The following KIF7 variants were observed in gnomAD, a reference collection of about 807,000 sequenced individuals.
KIF7 encodes the protein kinesin family member 7.
KIF7 carries 104 observed loss-of-function variants against 135.7 expected under a neutral mutation model. That is an observed-to-expected ratio of 0.77 (90% confidence interval 0.65 to 0.90). KIF7 has a LOEUF of 0.90. Among genes scored for constraint, KIF7 ranks in the 40% least tolerant of loss-of-function variants. The pLI is 0.00. For synonymous variants in KIF7, 883 were observed against 809.4 expected (o/e 1.09, Z -1.54); for missense variants, 2,005 against 1,839.1 (o/e 1.09, Z -1.65).
At position 89,645,051 on chromosome 15, in the gene KIF7, C is replaced by A. The variant is rs138021610; in HGVS notation, c.2153G>T (p.Arg718Leu). The A allele has an allele frequency of 4.4e-6, 7 of 1,607,318 alleles. No homozygotes were observed. The highest frequency in any genetic ancestry group is 1.7e-4 in the Middle Eastern group (1 of 5,992). The change falls in exon 10 of 19, where the codon CGC (arginine) becomes CTC (leucine). Residue 718 changes from arginine to leucine, a missense_variant. By Grantham distance (102) the Arg-to-Leu change is moderately radical (BLOSUM62 -2). Coordinates refer to ENST00000394412, the MANE Select transcript of KIF7 (RefSeq NM_198525.3). The stretch of plus-strand genomic sequence containing the variant: ...CTCGCCAATAAGCTCCTCCTTCATG[C>A]GGATGTTGATAGCCAGCTCCCGGAT... ...QKIRELAINIRMKEELIGELV... is the reference protein window; with the variant it reads ...QKIRELAINILMKEELIGELV...
intron 2 of KIF7, 92 bp downstream of exon 2, chr15:89,652,511 C>T (rs1469113215): frequency 2.9e-6 from 3 of 1,022,504 alleles, no homozygotes; most frequent in African/African-American, 1.6e-5. Context: ...CCCCACCTTC[C>T]ACAGAACAGG....
chr15:89,630,708 C>A (rs982822912), intron 15 of KIF7: 1 of 609,100 alleles, frequency 1.6e-6, no homozygotes, highest in African/African-American at 1.8e-5. Context: ...GTGGCCTGCT[C>A]AACTGCAAGC....
At chr15:89,647,121 C>G in intron 6 of KIF7, 64 bp from the exon 7 acceptor site, 1 of 1,424,412 alleles carries the variant, frequency 7.0e-7, no homozygotes, top group Non-Finnish European at 9.6e-7. Context: ...GTGTAGGAAA[C>G]TGAGGAACAG....
intron 2 of KIF7, among the ~76,000 whole-genome samples, chr15:89,651,721 T>A (rs1490529087): frequency 2.0e-5 from 3 of 152,270 alleles, no homozygotes; most frequent in Non-Finnish European, 2.9e-5. Context: ...TTCCTAATTT[T>A]TTTTACACAA....
In KIF7 at chr15:89,628,980, G is replaced by A. The variant is rs775037403; in HGVS notation, c.3660C>T (p.Ser1220=). 3 of 1,613,718 alleles carry A rather than the reference G, an allele frequency of 1.9e-6. No individual in the cohort carries two copies. Among genetic ancestry groups the A allele is most frequent in the Non-Finnish European group, 2.5e-6 (3 of 1,180,000 alleles). The change falls in exon 18 of 19, where the codon AGC becomes AGT. Residue 1220 remains serine (S), a synonymous_variant. Coordinates refer to ENST00000394412, the MANE Select transcript of KIF7 (RefSeq NM_198525.3). The part of the protein sequence containing the change: ...KLGGVNAVGH[S]RGGEKRSLCS... ...CAGAGCGCGACGAGGAGTTACCCCT[G>A]CTGTGGCCTACAGCGTTCACACCGC...
In KIF7 at chr15:89,628,902, C is replaced by A. The variant is rs12914042; in HGVS notation, c.3664+74G>T. 7 of 1,611,706 alleles carry A rather than the reference C, an allele frequency of 4.3e-6. No individual in the cohort carries two copies. The East Asian group carries it at 1.3e-4, about 31-fold the overall frequency. ...CCTGTGAATTGAGCCAATAAAGGCT[C>A]GAGGGAGAGTGGTCTCTAAGCTTTC... On this transcript the variant is annotated intron_variant, in intron 18 of 18. Coordinates refer to ENST00000394412, the MANE Select transcript of KIF7 (RefSeq NM_198525.3).
At chr15:89,654,150 C>CAT in intron 1 of KIF7, among the ~76,000 whole-genome samples, 1 of 152,222 alleles carries the variant, frequency 6.6e-6, no homozygotes, top group East Asian at 1.9e-4. Context: ...GCTGGGACTA[C>CAT]AGGCGCCCGC....
chr15:89,648,216 A>G (rs752245836), intron 5 of KIF7, 39 bp downstream of exon 5: 20 of 1,458,062 alleles, frequency 1.4e-5, no homozygotes, highest in Non-Finnish European at 1.7e-5. Context: ...ACCACTCCCC[A>G]CTGCCCACAA....
In KIF7 at chr15:89,631,645, C is replaced by T; in HGVS notation, c.2961G>A (p.Glu987=). The change falls in exon 15 of 19, where the codon GAG becomes GAA. Residue 987 remains glutamate (E), a synonymous_variant. Transcript: ENST00000394412. ...TGCCCTGCCGCAGCTGCCCGCTCTT[C>T]TCGGACAGCTCCTTCTCCAGGTGCT... The part of the protein sequence containing the change: ...RLEHLEKELS[E]KSGQLRQGSA... 1.3e-6 allele frequency: 2 copies of T among 1,562,380 alleles called. No individual in the cohort carries two copies. The highest frequency in any genetic ancestry group is 2.4e-5 in the East Asian group (1 of 41,624).
At position 89,645,398 on chromosome 15, in the gene KIF7, G is replaced by C; in HGVS notation, c.1976C>G (p.Pro659Arg). Residue 659 changes from proline to arginine, a missense_variant, in exon 9 of 19, where the codon CCA becomes CGA. By Grantham distance (103) the Pro-to-Arg change is moderately radical. Transcript: ENST00000394412. ...GCAAAGCTCTGGGCCCTTCCTCTCT[G>C]GCAGACTCCCTGGGCGTGCCCCCGC... ...QRAGARPGSL[P>R]ERKGPELCLE... The C allele has an allele frequency of 1.2e-6, 2 of 1,614,102 alleles. No homozygotes were observed. Among genetic ancestry groups the C allele is most frequent in the Middle Eastern group, 3.3e-4 (2 of 6,062 alleles).
chr15:89,625,495 A>G (rs1370186071), downstream of KIF7: 2 of 1,613,938 alleles, frequency 1.2e-6, no homozygotes, highest in African/African-American at 1.3e-5. Context: ...TGAACTCAGC[A>G]TCCACAGGAC....
chr15:89,641,266 G>A (rs183210334), intron 11 of KIF7, among the ~76,000 whole-genome samples: 1 of 152,170 alleles, frequency 6.6e-6, no homozygotes, highest in East Asian at 1.9e-4. Context: ...CCAGGAAGTG[G>A]CCGTCTGCAC....
At chr15:89,619,910 A>T in intron 1 of KIF7, 1 of 1,532,700 alleles carries the variant, frequency 6.5e-7, no homozygotes, top group South Asian at 1.3e-5. Context: ...TTGGGAAAAG[A>T]AGCAAGAAAT....
chr15:89,629,357 A>G lies in KIF7; in HGVS notation c.3517+18T>C, dbSNP rs1310147384. On this transcript the variant is annotated intron_variant, in intron 17 of 18. Coordinates refer to ENST00000394412, the MANE Select transcript of KIF7 (RefSeq NM_198525.3). ...ATGGAGGGGGCCGGGGTTGTGAGCC[A>G]TGGGCCGGGCTGCTCACCTCGACTC... 2.9e-5 allele frequency: 45 copies of G among 1,566,912 alleles called. No homozygotes were observed. Among genetic ancestry groups the G allele is most frequent in the Non-Finnish European group, 3.8e-5 (44 of 1,161,272 alleles).
downstream of KIF7, chr15:89,623,586 A>G (rs1963459226): frequency 8.3e-6 from 13 of 1,559,016 alleles, no homozygotes; most frequent in Non-Finnish European, 1.0e-5. Context: ...CATGAGTTAT[A>G]ATATTCAAGG....
intron 2 of KIF7, chr15:89,650,167 A>G (rs1378545828): frequency 5.3e-6 from 3 of 565,594 alleles, no homozygotes; most frequent in African/African-American, 1.9e-5. Context: ...TCCTGATTCA[A>G]TCAACCCCTT....
chr15:89,641,665 G>C (rs1308854015), intron 11 of KIF7, among the ~76,000 whole-genome samples: 1 of 152,170 alleles, frequency 6.6e-6, no homozygotes, highest in East Asian at 1.9e-4. Context: ...GCTGGGCGTG[G>C]TGGCACGTGT....
At chr15:89,659,205 T>C (rs1417272032), upstream of KIF7, among the ~76,000 whole-genome samples, 1 of 152,128 alleles carries the variant, frequency 6.6e-6, no homozygotes, top group Admixed American at 6.6e-5. Context: ...AAAGAGTTAG[T>C]ATTCAGGAAA....
At position 89,645,877 on chromosome 15, in the gene KIF7, A is replaced by T; in HGVS notation, c.1922+16T>A. On this transcript the variant is annotated intron_variant, in intron 8 of 18. Coordinates refer to ENST00000394412, the MANE Select transcript of KIF7 (RefSeq NM_198525.3). Reference sequence around the variant, plus strand: ...GAGCAGGTCCTTGTCAGGTGGGGGCAGTGGGTCCCACTCACCTGCGCAGGT... The same window carrying T: ...GAGCAGGTCCTTGTCAGGTGGGGGCTGTGGGTCCCACTCACCTGCGCAGGT... 2 of 1,612,424 alleles carry T rather than the reference A, an allele frequency of 1.2e-6. No individual in the cohort carries two copies. Among genetic ancestry groups the T allele is most frequent in the Non-Finnish European group, 1.7e-6 (2 of 1,179,552 alleles).
Sources: allele counts gnomAD v4.1 joint callset (sites outside exome capture counted in the v4.1 genomes callset), GRCh38; gene constraint gnomAD v4.1.1; transcripts MANE v1.5; gene names NCBI Gene and HGNC (gene_info 2026-07-23, HGNC 2026-07-21).